CNTNAP5: variants seen among roughly 807,000 people sequenced by gnomAD.
CNTNAP5 encodes the protein contactin associated protein family member 5.
In CNTNAP5, 72 loss-of-function variants were observed where a neutral mutation model predicts 150.2. The ratio of observed to expected loss-of-function variants is 0.48; its 90% CI spans 0.40 to 0.58. The LOEUF (loss-of-function observed/expected upper bound fraction) is 0.58, where lower values mean the gene tolerates loss of function less well. Among genes scored for constraint, CNTNAP5 ranks in the 20% least tolerant of loss-of-function variants. The pLI is 0.00. For synonymous variants in CNTNAP5, 672 were observed against 619.8 expected (o/e 1.08, Z -1.25); for missense variants, 1,636 against 1,626.2 (o/e 1.01, Z -0.10).
chr2:124,879,357 A>C (rs2104735959), intron 21 of CNTNAP5, among the ~76,000 whole-genome samples: 1 of 152,288 alleles, frequency 6.6e-6, no homozygotes, highest in Admixed American at 6.5e-5. Flanking sequence ...ATGTATAAAT[A>C]TTAGAACTGT....
intron 17 of CNTNAP5, among the ~76,000 whole-genome samples, chr2:124,787,741 C>T (rs1050392733): frequency 9.9e-5 from 15 of 152,038 alleles, no homozygotes; most frequent in South Asian, 4.1e-4. Flanking sequence ...GCCAGGAATT[C>T]TTTAAATTAT....
rs192251664 is a variant in CNTNAP5, at chr2:124,323,174, C to A, written c.381+80781C>A. Among the ~76,000 whole-genome samples, 494 of 152,158 alleles carry A rather than the reference C, an allele frequency of 3.2e-3. 1 individual carries two copies. The highest frequency in any genetic ancestry group is 5.6e-3 in the Non-Finnish European group (384 of 67,986). On this transcript the variant is annotated intron_variant, in intron 3 of 23. Coordinates refer to ENST00000682447, the MANE Select transcript of CNTNAP5 (RefSeq NM_001367498.1). Reference sequence around the variant, plus strand: ...AGGCATACAGGAGACCCATGTGTGCCCAAGCGGGTCAGGAACACTTTCCCA... The same window carrying A: ...AGGCATACAGGAGACCCATGTGTGCACAAGCGGGTCAGGAACACTTTCCCA...
chr2:124,281,828 A>G (rs923080223), intron 3 of CNTNAP5, among the ~76,000 whole-genome samples: 3 of 152,178 alleles, frequency 2.0e-5, no homozygotes, highest in Non-Finnish European at 2.9e-5. Context: ...TTAGAGCTCT[A>G]CTTCCTCAGG....
chr2:124,364,570 G>A (rs191096273), intron 3 of CNTNAP5, among the ~76,000 whole-genome samples: 3 of 152,280 alleles, frequency 2.0e-5, no homozygotes, highest in Admixed American at 2.0e-4. Context: ...GGTTTTCCAA[G>A]TGTCTCAAAG....
At chr2:124,601,692 G>GA (rs35333330) in intron 11 of CNTNAP5, among the ~76,000 whole-genome samples, 83,919 of 151,792 alleles carry the variant, frequency 0.55, 23,769 homozygotes, top group Non-Finnish European at 0.59. Flanking sequence ...ATATTCAAAG[G>GA]AAAAAAACCA....
At chr2:124,532,518 A>G (rs922966773) in intron 10 of CNTNAP5, among the ~76,000 whole-genome samples, 4 of 152,140 alleles carry the variant, frequency 2.6e-5, no homozygotes, top group African/African-American at 9.7e-5. Context: ...AAGAGTATCA[A>G]CAGGAGACAG....
chr2:124,629,936 CA>C (rs70996084), intron 12 of CNTNAP5, among the ~76,000 whole-genome samples: 9,716 of 67,650 alleles, frequency 0.14, 1,094 homozygotes, highest in African/African-American at 0.37. Context: ...CACCTCTATG[CA>C]AAAAAAAAAA....
chr2:124,880,414 C>T (rs1433512563), intron 21 of CNTNAP5, among the ~76,000 whole-genome samples: 1 of 152,076 alleles, frequency 6.6e-6, no homozygotes, highest in Admixed American at 6.6e-5. Context: ...AGTTAATTCC[C>T]TTAAAATCAA....
At chr2:124,640,492 G>C (rs1678068351) in intron 12 of CNTNAP5, among the ~76,000 whole-genome samples, 1 of 152,122 alleles carries the variant, frequency 6.6e-6, no homozygotes, top group Non-Finnish European at 1.5e-5. Flanking sequence ...CCTCCAAACA[G>C]CTGAAACCCA....
chr2:124,795,907 T>G (rs752654824), intron 18 of CNTNAP5, among the ~76,000 whole-genome samples: 26 of 152,262 alleles, frequency 1.7e-4, no homozygotes, highest in Middle Eastern at 3.4e-3. Flanking sequence ...CAAGGGGTGT[T>G]GTTGATAGTG....
chr2:124,363,567 C>CA (rs1690278141), intron 3 of CNTNAP5, among the ~76,000 whole-genome samples: 2 of 152,086 alleles, frequency 1.3e-5, no homozygotes, highest in Admixed American at 6.5e-5. Context: ...GCTCTATCTC[C>CA]AAAAAATATA....
intron 13 of CNTNAP5, among the ~76,000 whole-genome samples, chr2:124,716,129 A>T (rs1905206): frequency 0.16 from 24,727 of 152,102 alleles, 2,281 homozygotes; most frequent in East Asian, 0.24. Flanking sequence ...AATTATCTTA[A>T]AATTATTTTT....
intron 1 of CNTNAP5, among the ~76,000 whole-genome samples, chr2:124,177,054 G>C (rs2104673486): frequency 6.6e-6 from 1 of 151,820 alleles, no homozygotes; most frequent in South Asian, 2.1e-4. Flanking sequence ...CACCATTTTG[G>C]CCAGGCTACT....
At chr2:124,621,279 G>A (rs1558707597) in intron 12 of CNTNAP5, among the ~76,000 whole-genome samples, 1 of 152,164 alleles carries the variant, frequency 6.6e-6, no homozygotes, top group Non-Finnish European at 1.5e-5. Context: ...TTCTTATCTT[G>A]ATGGATTCAA....
At chr2:124,693,848 A>G (rs1004511356) in intron 13 of CNTNAP5, among the ~76,000 whole-genome samples, 1 of 151,844 alleles carries the variant, frequency 6.6e-6, no homozygotes, top group Admixed American at 6.6e-5. Flanking sequence ...GGCAAAAAAA[A>G]AAAAAACCAA....
chr2:124,247,837 G>C (rs1384186117), intron 3 of CNTNAP5, among the ~76,000 whole-genome samples: 1 of 152,084 alleles, frequency 6.6e-6, no homozygotes, highest in Non-Finnish European at 1.5e-5. Context: ...AACAAAGTTT[G>C]TTAACACTTC....
intron 6 of CNTNAP5, among the ~76,000 whole-genome samples, chr2:124,468,653 G>A (rs1693436044): frequency 6.6e-6 from 1 of 152,152 alleles, no homozygotes. Flanking sequence ...CTTCTATCAA[G>A]TTGGCACTTA....
intron 3 of CNTNAP5, among the ~76,000 whole-genome samples, chr2:124,400,047 T>C (rs1022416532): frequency 6.6e-6 from 1 of 151,874 alleles, no homozygotes; most frequent in South Asian, 2.1e-4. Context: ...CATTAAGACA[T>C]TATATTCAGA....
chr2:124,388,362 G>A (rs929287704), intron 3 of CNTNAP5, among the ~76,000 whole-genome samples: 4 of 152,042 alleles, frequency 2.6e-5, no homozygotes, highest in Non-Finnish European at 5.9e-5. Flanking sequence ...GCAAAGCACT[G>A]CTGATGCCAC....
Sources: allele counts gnomAD v4.1 joint callset (sites outside exome capture counted in the v4.1 genomes callset), GRCh38; gene constraint gnomAD v4.1.1; transcripts MANE v1.5; gene names NCBI Gene and HGNC (gene_info 2026-07-23, HGNC 2026-07-21).